Variants in DSCAM observed in about 807,000 individuals in gnomAD.
The protein encoded by DSCAM is cell adhesion molecule DSCAM.
Under a neutral mutation model 217.7 loss-of-function variants are expected in DSCAM, and 47 were observed. The ratio of observed to expected loss-of-function variants is 0.22; its 90% CI spans 0.17 to 0.28. DSCAM has a LOEUF of 0.28. Among genes scored for constraint, DSCAM ranks in the 10% least tolerant of loss-of-function variants. The probability of loss-of-function intolerance (pLI) is 1.00; values close to 1 mark genes in which losing one functional copy is unlikely to be tolerated. For synonymous variants in DSCAM, 1,056 were observed against 1,015.3 expected (o/e 1.04, Z -0.76); for missense variants, 2,080 against 2,618.3 (o/e 0.79, Z 4.49).
At chr21:40,326,034 C>T (rs1035623749) in intron 8 of DSCAM, among the ~76,000 whole-genome samples, 4 of 152,018 alleles carry the variant, frequency 2.6e-5, no homozygotes, top group Admixed American at 2.0e-4. Flanking sequence ...TATTTACATG[C>T]ATGTCTAAAT....
intron 1 of DSCAM, among the ~76,000 whole-genome samples, chr21:40,825,113 TC>T (rs949658047): frequency 2.6e-5 from 4 of 152,192 alleles, no homozygotes; most frequent in African/African-American, 9.7e-5. Context: ...AGTGTTTTTT[TC>T]TCATTTATTT....
chr21:40,077,046 T>C (rs565890445), intron 26 of DSCAM, among the ~76,000 whole-genome samples: 2 of 152,284 alleles, frequency 1.3e-5, no homozygotes, highest in East Asian at 3.9e-4. Flanking sequence ...TGGGGACACC[T>C]TTGAATGAAG....
At chr21:40,175,500 A>C (rs545079180) in intron 15 of DSCAM, among the ~76,000 whole-genome samples, 2 of 152,206 alleles carry the variant, frequency 1.3e-5, no homozygotes, top group African/African-American at 4.8e-5. Context: ...GTCAGGGCTC[A>C]TTCTTCTGGT....
rs548546862 is a variant in DSCAM at position 40,288,065 on chromosome 21, A to G, written c.2182+7990T>C. 1.4e-4 allele frequency among the ~76,000 whole-genome samples: 21 copies of G among 152,280 alleles called. 1 individual carries two copies. In the South Asian group the frequency reaches 4.4e-3, roughly 32 times the overall value. Reference sequence around the variant, plus strand: ...GGGAAAATAGAAACTCCTCTAAATTAAGAACAGCATTACCCTTGCTGGGAG... The same window carrying G: ...GGGAAAATAGAAACTCCTCTAAATTGAGAACAGCATTACCCTTGCTGGGAG... On this transcript the variant is annotated intron_variant, in intron 10 of 32. Coordinates refer to ENST00000400454, the MANE Select transcript of DSCAM (RefSeq NM_001389.5).
At chr21:40,127,558 T>C (rs1833782997) in intron 19 of DSCAM, among the ~76,000 whole-genome samples, 2 of 152,218 alleles carry the variant, frequency 1.3e-5, no homozygotes, top group African/African-American at 4.8e-5. Context: ...TCTACATTCC[T>C]CCAATGCACC....
intron 1 of DSCAM, among the ~76,000 whole-genome samples, chr21:40,720,417 T>C (rs568389170): frequency 7.2e-5 from 11 of 152,302 alleles, no homozygotes; most frequent in Admixed American, 5.9e-4. Context: ...TTATAATGAC[T>C]TGGAAAGCAT....
intron 3 of DSCAM, among the ~76,000 whole-genome samples, chr21:40,438,974 AT>A (rs1417906840): frequency 6.6e-6 from 1 of 152,088 alleles, no homozygotes; most frequent in Non-Finnish European, 1.5e-5. Context: ...TATTTCAATA[AT>A]TTTTCAGCAG....
intron 3 of DSCAM, among the ~76,000 whole-genome samples, chr21:40,625,018 A>G (rs1164207754): frequency 6.6e-6 from 1 of 152,196 alleles, no homozygotes; most frequent in African/African-American, 2.4e-5. Context: ...ATACAAATAT[A>G]TTCTCACCAT....
intron 3 of DSCAM, among the ~76,000 whole-genome samples, chr21:40,492,980 G>T (rs930838262): frequency 6.6e-5 from 10 of 151,842 alleles, no homozygotes; most frequent in African/African-American, 2.4e-4. Context: ...CCTGAAAACA[G>T]CAAGAGAAAA....
intron 3 of DSCAM, among the ~76,000 whole-genome samples, chr21:40,648,079 T>C (rs2089969350): frequency 6.9e-6 from 1 of 145,040 alleles, no homozygotes; most frequent in Admixed American, 7.4e-5. Context: ...CAGTTGTAGT[T>C]CACATACTTG....
intron 3 of DSCAM, among the ~76,000 whole-genome samples, chr21:40,683,288 T>C (rs1281661244): frequency 6.6e-6 from 1 of 152,094 alleles, no homozygotes; most frequent in Non-Finnish European, 1.5e-5. Flanking sequence ...GGATTTAACA[T>C]TTGGAAGTCA....
intron 4 of DSCAM, among the ~76,000 whole-genome samples, chr21:40,359,418 T>C (rs967929925): frequency 3.3e-5 from 5 of 152,206 alleles, no homozygotes; most frequent in African/African-American, 7.2e-5. Flanking sequence ...CCAAAACAAG[T>C]TGGCATTTTC....
At chr21:40,616,778 G>A (rs1284870349) in intron 3 of DSCAM, among the ~76,000 whole-genome samples, 1 of 152,116 alleles carries the variant, frequency 6.6e-6, no homozygotes, top group African/African-American at 2.4e-5. Flanking sequence ...AGCACTTTGG[G>A]AGGCCGAGGC....
At chr21:40,457,515 A>C (rs1437724981) in intron 3 of DSCAM, among the ~76,000 whole-genome samples, 1 of 145,208 alleles carries the variant, frequency 6.9e-6, no homozygotes, top group East Asian at 2.0e-4. Context: ...CTGTCTCAAA[A>C]AAAATAATAA....
chr21:40,281,712 G>A (rs778942152), intron 10 of DSCAM, among the ~76,000 whole-genome samples: 3 of 151,920 alleles, frequency 2.0e-5, no homozygotes, highest in Admixed American at 6.6e-5. Flanking sequence ...ACATTTTGGC[G>A]GATTTTTTTT....
chr21:40,655,225 C>T (rs1213473084), intron 3 of DSCAM, among the ~76,000 whole-genome samples: 1 of 152,122 alleles, frequency 6.6e-6, no homozygotes, highest in Non-Finnish European at 1.5e-5. Flanking sequence ...TGTCTTAGTC[C>T]ACATGTGCTG....
chr21:40,091,192 T>C (rs1464073918), intron 21 of DSCAM, among the ~76,000 whole-genome samples: 1 of 152,150 alleles, frequency 6.6e-6, no homozygotes, highest in Non-Finnish European at 1.5e-5. Flanking sequence ...TTCTAAAAAA[T>C]AAGGTTTATC....
chr21:40,055,546 C>G (rs2089001276), intron 29 of DSCAM, among the ~76,000 whole-genome samples, 179 bp downstream of exon 29: 1 of 152,192 alleles, frequency 6.6e-6, no homozygotes, highest in African/African-American at 2.4e-5. Flanking sequence ...GTCAAATTTT[C>G]TGCACATTTG....
chr21:40,163,399 C>T (rs371230834), intron 16 of DSCAM, among the ~76,000 whole-genome samples: 56 of 152,180 alleles, frequency 3.7e-4, no homozygotes, highest in African/African-American at 1.3e-3. Flanking sequence ...TTACACAAAT[C>T]CTTTTGTTTC....
Sources: gnomAD v4.1 joint callset for allele counts (sites outside exome capture counted in the v4.1 genomes callset) on GRCh38, gnomAD v4.1.1 for gene constraint, MANE v1.5 for transcripts, NCBI Gene and HGNC (gene_info 2026-07-23, HGNC 2026-07-21) for gene names.